The following ACBD6 variants were observed in gnomAD, a reference collection of about 807,000 sequenced individuals.
ACBD6 encodes acyl-CoA binding domain containing 6.
A neutral mutation model predicts 37.2 loss-of-function variants in ACBD6; 28 were observed. The ratio of observed to expected loss-of-function variants is 0.75; its 90% CI spans 0.56 to 1.03. The LOEUF is 1.03. Ranked by LOEUF, ACBD6 falls within the 50% of genes least tolerant of loss-of-function variation. The pLI, the probability that ACBD6 is intolerant of heterozygous loss-of-function variation, is 0.00. For missense variants in ACBD6, 340 were observed against 337.4 expected, an observed-to-expected ratio of 1.01 and a Z score of -0.06; for synonymous variants, 113 against 126.8, an observed-to-expected ratio of 0.89 and a Z score of 0.73.
At chr1:180,329,041 A>G (rs183336134) in intron 6 of ACBD6, among the ~76,000 whole-genome samples, 5 of 152,274 alleles carry the variant, frequency 3.3e-5, no homozygotes, top group Admixed American at 3.3e-4. Flanking sequence ...ATCCCTGTAA[A>G]CTTTTGCATA....
At chr1:180,320,385 T>C (rs1224674161) in intron 6 of ACBD6, among the ~76,000 whole-genome samples, 1 of 152,176 alleles carries the variant, frequency 6.6e-6, no homozygotes, top group Non-Finnish European at 1.5e-5. Flanking sequence ...CCTGTAATTC[T>C]AGCACTTTGG....
intron 6 of ACBD6, among the ~76,000 whole-genome samples, chr1:180,319,097 C>G (rs1342963793): frequency 6.6e-6 from 1 of 152,160 alleles, no homozygotes; most frequent in East Asian, 1.9e-4. Context: ...ACTCAGTTCA[C>G]CTTCTTAAGG....
rs1650520970 is a variant in ACBD6 at position 180,470,467 on chromosome 1, AG to A, written c.384+21801del. Among the ~76,000 whole-genome samples, 6 of 152,318 alleles carry A rather than the reference AG, an allele frequency of 3.9e-5. No individual in the cohort carries two copies. In the South Asian group the frequency reaches 1.2e-3, roughly 32 times the overall value. On this transcript the variant is annotated intron_variant, in intron 3 of 7. Transcript: ENST00000367595. ...ATAAATTATGGTGCTATAGGAAAAA[AG>A]TCAATCGCCTTTCAGATGTTTAACT...
At chr1:180,271,556 G>A in exon 14 of ACBD6, 1 of 1,613,528 alleles carries the variant, frequency 6.2e-7, no homozygotes, top group South Asian at 1.1e-5. Flanking sequence ...GCACTCCTGT[G>A]CCCTCCGGGG....
intron 3 of ACBD6, among the ~76,000 whole-genome samples, chr1:180,489,776 G>A (rs1182596240): frequency 6.6e-6 from 1 of 151,642 alleles, no homozygotes; most frequent in Non-Finnish European, 1.5e-5. Context: ...CCTGCCTCAG[G>A]CTCCCGCATA....
intron 6 of ACBD6, among the ~76,000 whole-genome samples, chr1:180,351,275 A>G (rs537713142): frequency 9.8e-6 from 1 of 102,300 alleles, no homozygotes; most frequent in Non-Finnish European, 1.9e-5. Flanking sequence ...CCTGCCAGAT[A>G]TTACGTTTTT....
intron 6 of ACBD6, among the ~76,000 whole-genome samples, chr1:180,340,096 C>G (rs1324896889): frequency 6.6e-6 from 1 of 152,070 alleles, no homozygotes; most frequent in Non-Finnish European, 1.5e-5. Context: ...CAGTGTGTTA[C>G]TGAAGCAATG....
intron 6 of ACBD6, among the ~76,000 whole-genome samples, chr1:180,386,501 G>T (rs552261435): frequency 6.6e-6 from 1 of 152,042 alleles, no homozygotes; most frequent in Non-Finnish European, 1.5e-5. Context: ...GTAACTCTTC[G>T]AATATTTCTT....
chr1:180,379,653 A>G (rs1423037379), intron 6 of ACBD6, among the ~76,000 whole-genome samples: 1 of 152,134 alleles, frequency 6.6e-6, no homozygotes, highest in African/African-American at 2.4e-5. Flanking sequence ...ATCAAACAGA[A>G]GAAAAAAAAT....
intron 6 of ACBD6, among the ~76,000 whole-genome samples, chr1:180,329,272 T>A (rs1452053745): frequency 6.6e-6 from 1 of 152,242 alleles, no homozygotes; most frequent in Admixed American, 6.5e-5. Flanking sequence ...ATAAGGCTAT[T>A]TGGTCTTTCA....
At chr1:180,412,303 G>A (rs1267259842) in intron 5 of ACBD6, among the ~76,000 whole-genome samples, 1 of 152,138 alleles carries the variant, frequency 6.6e-6, no homozygotes, top group African/African-American at 2.4e-5. Flanking sequence ...GCCTAAAGGT[G>A]AGATAATATT....
chr1:180,442,697 T>TC (rs965442135), intron 3 of ACBD6, among the ~76,000 whole-genome samples: 1 of 152,204 alleles, frequency 6.6e-6, no homozygotes, highest in African/African-American at 2.4e-5. Context: ...TTTCACTTGC[T>TC]CCATCTTCGA....
chr1:180,459,947 A>G (rs1397759007), intron 3 of ACBD6, among the ~76,000 whole-genome samples: 2 of 151,136 alleles, frequency 1.3e-5, no homozygotes, highest in East Asian at 3.9e-4. Flanking sequence ...CTATTCTACA[A>G]AAGCATGACC....
chr1:180,483,541 G>GT (rs1223127232), intron 3 of ACBD6, among the ~76,000 whole-genome samples: 1 of 152,068 alleles, frequency 6.6e-6, no homozygotes, highest in South Asian at 2.1e-4. Flanking sequence ...CTTGCACACA[G>GT]TAAGTATAAA....
chr1:180,476,291 T>G (rs999219048), intron 3 of ACBD6, among the ~76,000 whole-genome samples: 1 of 152,254 alleles, frequency 6.6e-6, no homozygotes, highest in South Asian at 2.1e-4. Flanking sequence ...AAAATTTTTT[T>G]TGTGAAAATC....
intron 4 of ACBD6, among the ~76,000 whole-genome samples, chr1:180,428,506 T>C (rs72714891): frequency 0.051 from 7,812 of 152,212 alleles, 251 homozygotes; most frequent in South Asian, 0.089. Flanking sequence ...AGCAATTGGG[T>C]GGGGGATAAA....
At chr1:180,429,252 C>G (rs566394162) in intron 4 of ACBD6, among the ~76,000 whole-genome samples, 3 of 109,484 alleles carry the variant, frequency 2.7e-5, no homozygotes, top group Admixed American at 2.7e-4. Flanking sequence ...TTCCCCTACC[C>G]CCAGCTCCTG....
intron 5 of ACBD6, among the ~76,000 whole-genome samples, chr1:180,398,201 A>T (rs1326898260): frequency 1.3e-5 from 2 of 152,214 alleles, no homozygotes; most frequent in Non-Finnish European, 2.9e-5. Flanking sequence ...AATGATAGTA[A>T]TAACAACAAT....
chr1:180,440,009 T>C (rs1300550602), intron 3 of ACBD6, among the ~76,000 whole-genome samples: 1 of 152,256 alleles, frequency 6.6e-6, no homozygotes, highest in African/African-American at 2.4e-5. Flanking sequence ...TTCCATCTTA[T>C]ATAATTTTCC....
Sources: allele counts gnomAD v4.1 joint callset (sites outside exome capture counted in the v4.1 genomes callset), GRCh38; gene constraint gnomAD v4.1.1; transcripts MANE v1.5; gene names NCBI Gene and HGNC (gene_info 2026-07-23, HGNC 2026-07-21).